The following SLCO3A1 variants were observed in gnomAD, a reference collection of about 807,000 sequenced individuals.
SLCO3A1 encodes solute carrier organic anion transporter family member 3A1.
Under a neutral mutation model 63.1 loss-of-function variants are expected in SLCO3A1, and 27 were observed. That is an observed-to-expected ratio of 0.43 (90% CI 0.32 to 0.59). The LOEUF is 0.59. Ranked by LOEUF, SLCO3A1 falls within the 20% of genes least tolerant of loss-of-function variation. The pLI is 0.09. For missense variants in SLCO3A1, 773 were observed against 945.8 expected (o/e 0.82, Z 2.40); for synonymous variants, 473 against 409.9 (o/e 1.15, Z -1.86).
At chr15:92,008,615 C>T (rs1204806443) in intron 2 of SLCO3A1, among the ~76,000 whole-genome samples, 7 of 152,174 alleles carry the variant, frequency 4.6e-5, no homozygotes, top group Non-Finnish European at 8.8e-5. Context: ...AACATTGACA[C>T]TGAAATCATA....
intron 2 of SLCO3A1, among the ~76,000 whole-genome samples, chr15:92,019,329 T>G (rs1371119977): frequency 6.6e-6 from 1 of 152,158 alleles, no homozygotes; most frequent in African/African-American, 2.4e-5. Context: ...CTTGGGGTAG[T>G]GAGAGCACTG....
At chr15:91,970,311 G>A (rs2151428197) in intron 2 of SLCO3A1, among the ~76,000 whole-genome samples, 1 of 152,308 alleles carries the variant, frequency 6.6e-6, no homozygotes, top group South Asian at 2.1e-4. Flanking sequence ...TCTAAAACAA[G>A]GAGAGTGGTG....
chr15:91,912,383 C>T lies in SLCO3A1; in HGVS notation c.181-3610C>T, dbSNP rs1307250708. On this transcript the variant is annotated intron_variant, in intron 1 of 9. Coordinates refer to ENST00000318445, the MANE Select transcript of SLCO3A1 (RefSeq NM_013272.4). The surrounding 1 kb of genome is among the most constrained non-coding windows in gnomAD (Gnocchi z 5.0). ...GGCATTGCAGCCCAGCAGAAGGCCACAGGTCAAGGAGGGAAAGACCGTACT... is the reference window on the plus strand; with the variant it reads ...GGCATTGCAGCCCAGCAGAAGGCCATAGGTCAAGGAGGGAAAGACCGTACT... Among the ~76,000 whole-genome samples the T allele has an allele frequency of 6.6e-6, 1 of 152,190 alleles. No homozygotes were observed. The highest frequency in any genetic ancestry group is 1.9e-4 in the East Asian group (1 of 5,174).
chr15:92,094,918 C>T lies in SLCO3A1; in HGVS notation c.684C>T (p.Cys228=), dbSNP rs199972220. The T allele has an allele frequency of 2.2e-5, 35 of 1,613,840 alleles. No homozygotes were observed. Among genetic ancestry groups the T allele is most frequent in the Non-Finnish European group, 2.5e-5 (29 of 1,179,726 alleles). Residue 228 remains cysteine, a synonymous_variant, in exon 3 of 10, where the codon TGC becomes TGT. Transcript: ENST00000318445. ...CGATGCTGGTATTTGGACCAGCCTG[C>T]GGGTTTATCCTGGGCTCTTTCTGTA... ...LFTMLVFGPA[C]GFILGSFCTK...
chr15:92,136,371 C>T (rs2048057534), intron 7 of SLCO3A1, among the ~76,000 whole-genome samples: 1 of 152,118 alleles, frequency 6.6e-6, no homozygotes, highest in Non-Finnish European at 1.5e-5. Flanking sequence ...CTTTATTTGC[C>T]AGTATTTTTG....
downstream of SLCO3A1, among the ~76,000 whole-genome samples, chr15:92,167,103 T>C (rs878938988): frequency 6.6e-6 from 1 of 152,246 alleles, no homozygotes. Flanking sequence ...TTATTTGATT[T>C]GGTTTAGATG....
chr15:91,963,809 G>A (rs1028041445), intron 2 of SLCO3A1, among the ~76,000 whole-genome samples: 1 of 152,126 alleles, frequency 6.6e-6, no homozygotes, highest in African/African-American at 2.4e-5. Context: ...GAACCAGACT[G>A]AGCAGCAGCA....
At chr15:92,117,304 AG>A (rs1355784606) in intron 4 of SLCO3A1, among the ~76,000 whole-genome samples, 2 of 152,336 alleles carry the variant, frequency 1.3e-5, no homozygotes, top group Admixed American at 6.5e-5. Context: ...CAAATGCTGG[AG>A]GTATCAGCCT....
In SLCO3A1 at chr15:92,123,688, G is replaced by C. The variant is rs151079780; in HGVS notation, c.1175-2373G>C. Among the ~76,000 whole-genome samples the C allele has an allele frequency of 3.2e-4, 49 of 152,222 alleles. 1 individual carries two copies. In the East Asian group the frequency reaches 7.5e-3, roughly 23 times the overall value. On this transcript the variant is annotated intron_variant, in intron 5 of 9. Coordinates refer to ENST00000318445, the MANE Select transcript of SLCO3A1 (RefSeq NM_013272.4). ...CTTCTTTGTTATCCCCAGGATCTCA[G>C]GTTTAGCCCTTCAGCACCTGAAGAG... is the stretch of plus-strand genomic sequence containing the variant.
chr15:91,947,928 C>T (rs12917237), intron 2 of SLCO3A1, among the ~76,000 whole-genome samples: 87,546 of 151,980 alleles, frequency 0.58, 25,588 homozygotes, highest in African/African-American at 0.65. Flanking sequence ...CTTTGGCCCC[C>T]GTGCAGGTGA....
chr15:92,163,630 C>T lies in SLCO3A1; in HGVS notation c.*495C>T, dbSNP rs1422594030. ...TGACACACCCCGTGCCACCCTCTTCCTCCAGGTGGGGGTGGGGGCGGGCGC... is the reference window on the plus strand; with the variant it reads ...TGACACACCCCGTGCCACCCTCTTCTTCCAGGTGGGGGTGGGGGCGGGCGC... On this transcript the variant is annotated 3_prime_UTR_variant, in exon 10 of 10. Transcript: ENST00000318445. 1.0e-6 allele frequency: 1 copy of T among 985,152 alleles called. No individual in the cohort carries two copies. Among genetic ancestry groups the T allele is most frequent in the Non-Finnish European group, 1.2e-6 (1 of 829,882 alleles). The allele number at this position is 985,152 out of a possible 1,614,324, so 61.0% of individuals were successfully genotyped here. A position where few individuals can be genotyped will look rare whatever the true frequency, so the allele number is the denominator to read the frequency against.
chr15:91,987,264 A>G (rs1317413346), intron 2 of SLCO3A1, among the ~76,000 whole-genome samples: 1 of 152,250 alleles, frequency 6.6e-6, no homozygotes, highest in East Asian at 1.9e-4. Flanking sequence ...TTTTTCCCCC[A>G]TATTCCTAGA....
chr15:91,966,230 G>C (rs1900656968), intron 2 of SLCO3A1, among the ~76,000 whole-genome samples: 1 of 152,190 alleles, frequency 6.6e-6, no homozygotes, highest in Non-Finnish European at 1.5e-5. Context: ...CTCAGATGAG[G>C]TCAGGACATT....
At chr15:92,056,189 G>A (rs891762071) in intron 2 of SLCO3A1, among the ~76,000 whole-genome samples, 1 of 152,094 alleles carries the variant, frequency 6.6e-6, no homozygotes, top group African/African-American at 2.4e-5. Context: ...TTTATTTCCA[G>A]GTTCCGGTTC....
chr15:91,923,649 A>C (rs949524363), intron 2 of SLCO3A1, among the ~76,000 whole-genome samples: 2 of 152,216 alleles, frequency 1.3e-5, no homozygotes, highest in Non-Finnish European at 2.9e-5. Flanking sequence ...TTATTTTAGT[A>C]ACATTGAGAA....
intron 1 of SLCO3A1, among the ~76,000 whole-genome samples, chr15:91,873,531 TACACACACACACACAC>T (rs71912147): frequency 1.3e-4 from 19 of 146,668 alleles, no homozygotes; most frequent in African/African-American, 4.8e-4. Flanking sequence ...GCTACATTCA[TACACACACACACACAC>T]ACACACACAC....
chr15:91,939,567 A>G (rs528457794), intron 2 of SLCO3A1, among the ~76,000 whole-genome samples: 2 of 152,256 alleles, frequency 1.3e-5, no homozygotes, highest in African/African-American at 4.8e-5. Flanking sequence ...TCAGCCACAG[A>G]TGGATGCCAC....
chr15:92,036,276 G>T (rs12050741), intron 2 of SLCO3A1, among the ~76,000 whole-genome samples: 109,897 of 151,866 alleles, frequency 0.72, 40,943 homozygotes, highest in Admixed American at 0.86. Context: ...TATGTGTGCT[G>T]CTTTTGCCAG....
At chr15:92,064,327 T>C (rs2047122649) in intron 2 of SLCO3A1, among the ~76,000 whole-genome samples, 1 of 152,252 alleles carries the variant, frequency 6.6e-6, no homozygotes, top group South Asian at 2.1e-4. Flanking sequence ...GTTCTTTGTA[T>C]ATTCTGGTTA....
Sources: allele counts gnomAD v4.1 joint callset (sites outside exome capture counted in the v4.1 genomes callset), GRCh38; gene constraint gnomAD v4.1.1; non-coding constraint Gnocchi (gnomAD v3.1); transcripts MANE v1.5; gene names NCBI Gene and HGNC (gene_info 2026-07-23, HGNC 2026-07-21).